Variants in PARVA observed in about 807,000 individuals in gnomAD.
PARVA encodes the protein parvin alpha.
In PARVA, 25 loss-of-function variants were observed where a neutral mutation model predicts 52.6. That is an observed-to-expected ratio of 0.48 (90% CI 0.35 to 0.66). The LOEUF (loss-of-function observed/expected upper bound fraction) is 0.66, where lower values mean the gene tolerates loss of function less well. Ranked by LOEUF, PARVA falls within the 30% of genes least tolerant of loss-of-function variation. The pLI, the probability that PARVA is intolerant of heterozygous loss-of-function variation, is 0.01. For missense variants in PARVA, 373 were observed against 450.9 expected (o/e 0.83, Z 1.56); for synonymous variants, 185 against 179.1 (o/e 1.03, Z -0.26).
In PARVA at chr11:12,426,945, A is replaced by T. The variant is rs1045987331; in HGVS notation, c.137-46800A>T. 5.9e-5 allele frequency among the ~76,000 whole-genome samples: 9 copies of T among 152,332 alleles called. No individual in the cohort carries two copies. In the South Asian group the frequency reaches 1.9e-3, roughly 32 times the overall value. On this transcript the variant is annotated intron_variant, in intron 1 of 12. Transcript: ENST00000334956. The stretch of plus-strand genomic sequence containing the variant: ...ATGAGGATGGGGCAGAGAAAGGGAA[A>T]TATGTGTTGAAATAAATAGACATGA...
At chr11:12,440,010 C>G (rs1230326465) in intron 1 of PARVA, among the ~76,000 whole-genome samples, 2 of 152,304 alleles carry the variant, frequency 1.3e-5, no homozygotes, top group East Asian at 1.9e-4. Flanking sequence ...GCGTAGCATG[C>G]ATGTTTCCTT....
At chr11:12,447,175 C>T (rs140800927) in intron 1 of PARVA, among the ~76,000 whole-genome samples, 93 of 152,324 alleles carry the variant, frequency 6.1e-4, no homozygotes, top group African/African-American at 2.1e-3. Flanking sequence ...AATCTCATGA[C>T]ACAACCCTGC....
chr11:12,490,470 T>C (rs1941220525), intron 4 of PARVA, among the ~76,000 whole-genome samples: 1 of 149,560 alleles, frequency 6.7e-6, no homozygotes, highest in Non-Finnish European at 1.5e-5. Context: ...TGAGCAGAGA[T>C]CGAGCCACTG....
At chr11:12,518,794 A>G (rs1404552735) in intron 12 of PARVA, among the ~76,000 whole-genome samples, 1 of 152,180 alleles carries the variant, frequency 6.6e-6, no homozygotes, top group Non-Finnish European at 1.5e-5. Flanking sequence ...CCTGTGCCCA[A>G]TTTCCAGGTT....
chr11:12,441,450 A>G (rs1318423121), intron 1 of PARVA, among the ~76,000 whole-genome samples: 1 of 152,082 alleles, frequency 6.6e-6, no homozygotes, highest in African/African-American at 2.4e-5. Flanking sequence ...AAGACCGCCC[A>G]GCTAAATCTC....
At chr11:12,381,987 C>T (rs953319549) in intron 1 of PARVA, among the ~76,000 whole-genome samples, 1 of 152,164 alleles carries the variant, frequency 6.6e-6, no homozygotes, top group Admixed American at 6.5e-5. Flanking sequence ...GAAAAATATG[C>T]GAGAACCTCA....
chr11:12,393,041 T>G (rs1173852619), intron 1 of PARVA, among the ~76,000 whole-genome samples: 2 of 77,696 alleles, frequency 2.6e-5, no homozygotes, highest in African/African-American at 8.3e-5. Context: ...AACCCCAAAT[T>G]GTGAAAAAAA....
At chr11:12,387,729 C>A (rs1465514409) in intron 1 of PARVA, among the ~76,000 whole-genome samples, 1 of 143,854 alleles carries the variant, frequency 7.0e-6, no homozygotes, top group African/African-American at 2.6e-5. Context: ...CAGCAGTGAG[C>A]CCGGAGGAGG....
chr11:12,489,363 C>T (rs1941202930), intron 4 of PARVA, among the ~76,000 whole-genome samples: 1 of 151,792 alleles, frequency 6.6e-6, no homozygotes, highest in African/African-American at 2.4e-5. Context: ...AAACTAGAAA[C>T]CTCAATGGAT....
chr11:12,508,728 T>C (rs1941466652), intron 7 of PARVA, 86 bp downstream of exon 7: 2 of 1,086,254 alleles, frequency 1.8e-6, no homozygotes, highest in Admixed American at 3.6e-5. Context: ...TATTTAGTTT[T>C]CATTTATTGG....
chr11:12,474,631 G>A (rs1000437214), intron 3 of PARVA, among the ~76,000 whole-genome samples: 2 of 152,074 alleles, frequency 1.3e-5, no homozygotes, highest in Non-Finnish European at 2.9e-5. Flanking sequence ...TCAGGAGTTC[G>A]AGACCAGCCT....
intron 12 of PARVA, among the ~76,000 whole-genome samples, chr11:12,526,396 G>A (rs1344044088): frequency 6.6e-6 from 1 of 151,936 alleles, no homozygotes; most frequent in African/African-American, 2.4e-5. Context: ...TCCCATCTTT[G>A]AATCCCAGGG....
chr11:12,463,992 T>TC (rs1940819812), intron 1 of PARVA, among the ~76,000 whole-genome samples: 1 of 151,270 alleles, frequency 6.6e-6, no homozygotes, highest in South Asian at 2.1e-4. Flanking sequence ...TTTTTTTTTT[T>TC]CCTGAGTACT....
At position 12,482,994 on chromosome 11, in the gene PARVA, G is replaced by A. The variant is rs117382796; in HGVS notation, c.400+5045G>A. On this transcript the variant is annotated intron_variant, in intron 4 of 12. Coordinates refer to ENST00000334956, the MANE Select transcript of PARVA (RefSeq NM_018222.5). ...GGTGAGCGTCCTTGAGATGCCATGTGACTTTGGCTGGCAAGGACTGGCTGG... is the reference window on the plus strand; with the variant it reads ...GGTGAGCGTCCTTGAGATGCCATGTAACTTTGGCTGGCAAGGACTGGCTGG... Among the ~76,000 whole-genome samples the A allele has an allele frequency of 1.1e-4, 16 of 152,358 alleles. No homozygotes were observed. In the East Asian group the frequency reaches 2.3e-3, roughly 22 times the overall value.
intron 1 of PARVA, among the ~76,000 whole-genome samples, chr11:12,405,666 T>G (rs959159948): frequency 6.6e-6 from 1 of 152,128 alleles, no homozygotes; most frequent in African/African-American, 2.4e-5. Flanking sequence ...ATTGCAATAA[T>G]AGAATTAGAG....
intron 1 of PARVA, among the ~76,000 whole-genome samples, chr11:12,472,253 G>A (rs1940944599): frequency 6.6e-6 from 1 of 152,188 alleles, no homozygotes; most frequent in African/African-American, 2.4e-5. Flanking sequence ...ATGTCATAAT[G>A]TTTTAAGAAA....
At position 12,484,284 on chromosome 11, in the gene PARVA, T is replaced by TC. The variant is rs1377807861; in HGVS notation, c.400+6337dup. On this transcript the variant is annotated intron_variant, in intron 4 of 12. Transcript: ENST00000334956. ...CTGGCTTGGGATGTCTATGTGAATT[T>TC]CCTTGTGGTATGTTTCATTTGACTG... Among the ~76,000 whole-genome samples, 3 of 152,196 alleles carry TC rather than the reference T, an allele frequency of 2.0e-5. No homozygotes were observed. In the East Asian group the frequency reaches 5.8e-4, roughly 29 times the overall value.
intron 1 of PARVA, among the ~76,000 whole-genome samples, chr11:12,404,342 G>A (rs1939872517): frequency 6.6e-6 from 1 of 152,156 alleles, no homozygotes; most frequent in Non-Finnish European, 1.5e-5. Context: ...CAGGGATGCT[G>A]ATAGAGCAAG....
At chr11:12,433,514 G>A (rs1347540792) in intron 1 of PARVA, among the ~76,000 whole-genome samples, 1 of 149,822 alleles carries the variant, frequency 6.7e-6, no homozygotes, top group Non-Finnish European at 1.5e-5. Flanking sequence ...TTTGTTTTTT[G>A]TTTTTTGTTT....
Sources: gnomAD v4.1 joint callset for allele counts (sites outside exome capture counted in the v4.1 genomes callset) on GRCh38, gnomAD v4.1.1 for gene constraint, MANE v1.5 for transcripts, NCBI Gene and HGNC (gene_info 2026-07-23, HGNC 2026-07-21) for gene names.